Variants in MYO1H observed in about 807,000 individuals in gnomAD.
The protein encoded by MYO1H is myosin IH, also known as unconventional myosin-Ih.
A neutral mutation model predicts 149.3 loss-of-function variants in MYO1H; 118 were observed. That is an observed-to-expected ratio of 0.79 (90% CI 0.68 to 0.92). The LOEUF (loss-of-function observed/expected upper bound fraction) is 0.92. MYO1H is among the 40% of genes least tolerant of loss of function. The pLI is 0.00. For synonymous variants in MYO1H, 447 were observed against 465.2 expected, an observed-to-expected ratio of 0.96 and a Z score of 0.50; for missense variants, 1,212 against 1,280.7, an observed-to-expected ratio of 0.95 and a Z score of 0.82.
intron 29 of MYO1H, 41 bp from the exon 30 acceptor site, chr12:109,444,391 T>A: frequency 6.3e-7 from 1 of 1,585,926 alleles, no homozygotes; most frequent in Non-Finnish European, 8.7e-7. Context: ...TTCTTTAAGC[T>A]GTGAATACTG....
rs111849241 is a variant in MYO1H, at chr12:109,427,768, G to A, written c.1949+182G>A. On this transcript the variant is annotated intron_variant, in intron 19 of 31. Transcript: ENST00000310903. ...GAACATAAAAACCCAACTCTGGCTG[G>A]GTGCGGTGGCTCATGCCTGTAATCC... Among the ~76,000 whole-genome samples the A allele has an allele frequency of 7.0e-4, 103 of 147,250 alleles. 1 individual carries two copies. The highest frequency in any genetic ancestry group is 2.4e-3 in the African/African-American group (97 of 39,948).
chr12:109,319,921 T>TTTTTGTTTTG, the MYO1H span, among the ~76,000 whole-genome samples: 2 of 152,156 alleles, frequency 1.3e-5, no homozygotes. Flanking sequence ...GAACAGATTG[T>TTTTTGTTTTG]TTTTGTTTTG....
chr12:109,364,171 T>TAAAAA (rs746308903), intron 1 of MYO1H, among the ~76,000 whole-genome samples: 2 of 90,266 alleles, frequency 2.2e-5, no homozygotes, highest in African/African-American at 4.0e-5. Context: ...ACCATGTCTT[T>TAAAAA]AAAAAAAAAA....
exon 10 of MYO1H, chr12:109,407,868 G>A (rs1870467533): frequency 2.5e-6 from 4 of 1,613,968 alleles, no homozygotes; most frequent in Admixed American, 1.7e-5. Flanking sequence ...ATGGACGAAC[G>A]TTTACTTGGC....
In MYO1H at chr12:109,439,852, C is replaced by T. The variant is rs148964066; in HGVS notation, c.2454+62C>T. 5.1e-4 allele frequency: 739 copies of T among 1,458,464 alleles called. 6 individuals carry two copies. The African/African-American group carries it at 9.0e-3, about 18-fold the overall frequency. The allele number at this position is 1,458,464 out of a possible 1,614,324, so 90.3% of individuals were successfully genotyped here. A position where few individuals can be genotyped will look rare whatever the true frequency, so the allele number is the denominator to read the frequency against. ...GCACGGGCACTGACGAAGCTTAACTCTTGCATGTCTTTGTGCTGCCTCCCT... is the reference window on the plus strand; with the variant it reads ...GCACGGGCACTGACGAAGCTTAACTTTTGCATGTCTTTGTGCTGCCTCCCT... On this transcript the variant is annotated intron_variant, in intron 24 of 31. Coordinates refer to ENST00000310903, the Ensembl canonical transcript of MYO1H.
chr12:109,436,669 T>G (rs1300392446), intron 22 of MYO1H, 113 bp downstream of exon 22: 2 of 697,260 alleles, frequency 2.9e-6, no homozygotes, highest in East Asian at 2.8e-5. Flanking sequence ...TGTGTGGTGC[T>G]ATCTTGGGGT....
At chr12:109,382,810 G>T (rs958945952) in intron 1 of MYO1H, among the ~76,000 whole-genome samples, 2 of 149,922 alleles carry the variant, frequency 1.3e-5, no homozygotes, top group Non-Finnish European at 3.0e-5. Flanking sequence ...TTAGTTTTGT[G>T]TATGAGAACT....
exon 18 of MYO1H, chr12:109,426,042 A>G (rs371268094): frequency 6.2e-7 from 1 of 1,612,706 alleles, no homozygotes; most frequent in Non-Finnish European, 8.5e-7. Flanking sequence ...CAACGACAGG[A>G]AAGAACCCAG....
chr12:109,326,007 C>T, the MYO1H span, among the ~76,000 whole-genome samples: 2 of 152,198 alleles, frequency 1.3e-5, no homozygotes, highest in South Asian at 4.1e-4. Flanking sequence ...AAGGCTTACA[C>T]AAGACCATCC....
At chr12:109,419,134 T>C (rs915743789) in intron 15 of MYO1H, among the ~76,000 whole-genome samples, 1 of 152,212 alleles carries the variant, frequency 6.6e-6, no homozygotes, top group Non-Finnish European at 1.5e-5. Context: ...AACAGTTTCT[T>C]GTAACTACTT....
intron 1 of MYO1H, among the ~76,000 whole-genome samples, chr12:109,367,430 A>G (rs1868887934): frequency 6.6e-6 from 1 of 152,174 alleles, no homozygotes; most frequent in Non-Finnish European, 1.5e-5. Context: ...AAATTTTTTA[A>G]AAGACCCATA....
intron 21 of MYO1H, among the ~76,000 whole-genome samples, chr12:109,436,024 G>A (rs1287093651): frequency 6.6e-6 from 1 of 152,188 alleles, no homozygotes; most frequent in African/African-American, 2.4e-5. Flanking sequence ...TGTGTGGAGG[G>A]GGTGGATGCA....
At chr12:109,439,872 C>A in intron 24 of MYO1H, 82 bp downstream of exon 24, 1 of 1,299,460 alleles carries the variant, frequency 7.7e-7, no homozygotes, top group South Asian at 1.4e-5. Flanking sequence ...TTTGTGCTGC[C>A]TCCCTTTGGC....
At chr12:109,325,418 ATATCT>A in the MYO1H span, among the ~76,000 whole-genome samples, 7 of 152,224 alleles carry the variant, frequency 4.6e-5, no homozygotes, top group Non-Finnish European at 5.9e-5. Context: ...CTTCCTAAAA[ATATCT>A]TATACAAAAA....
At chr12:109,437,000 A>G (rs1379364328) in intron 22 of MYO1H, among the ~76,000 whole-genome samples, 3 of 152,232 alleles carry the variant, frequency 2.0e-5, no homozygotes, top group Non-Finnish European at 4.4e-5. Context: ...AGCTACTTGG[A>G]GGGCTGATGC....
intron 19 of MYO1H, among the ~76,000 whole-genome samples, chr12:109,428,796 C>G (rs767193923): frequency 5.6e-5 from 7 of 125,012 alleles, no homozygotes; most frequent in Non-Finnish European, 1.3e-4. Flanking sequence ...CACTGCCCAC[C>G]TCACCCCCCT....
exon 30 of MYO1H, chr12:109,444,497 G>C (rs749342326): frequency 1.9e-6 from 3 of 1,613,974 alleles, no homozygotes; most frequent in Non-Finnish European, 2.5e-6. Context: ...TGCTGGTTAA[G>C]AAGGAGAACA....
intron 15 of MYO1H, among the ~76,000 whole-genome samples, chr12:109,417,938 C>A (rs929750713): frequency 6.6e-6 from 1 of 151,896 alleles, no homozygotes; most frequent in Non-Finnish European, 1.5e-5. Context: ...GCCTCAGCCT[C>A]CCGAGTAGCT....
chr12:109,323,438 T>G, the MYO1H span, among the ~76,000 whole-genome samples: 70 of 152,320 alleles, frequency 4.6e-4, no homozygotes, highest in Non-Finnish European at 8.2e-4. Flanking sequence ...TGAGTTGAAT[T>G]CTTATGAGTC....
Sources: gnomAD v4.1 joint callset for allele counts (sites outside exome capture counted in the v4.1 genomes callset) on GRCh38, gnomAD v4.1.1 for gene constraint, MANE v1.5 for transcripts, NCBI Gene and HGNC (gene_info 2026-07-23, HGNC 2026-07-21) for gene names.